Variants in GRM5 observed in about 807,000 individuals in gnomAD.
GRM5 encodes the protein metabotropic glutamate receptor 5.
GRM5 carries 19 observed loss-of-function variants against 83.1 expected under a neutral mutation model. The observed-to-expected ratio is 0.23, with a 90% CI of 0.16 to 0.34. GRM5 has a LOEUF of 0.34. GRM5 is among the 10% of genes least tolerant of loss of function. GRM5 has a pLI of 1.00. For synonymous variants in GRM5, 675 were observed against 633.6 expected (o/e 1.07, Z -0.98); for missense variants, 1,160 against 1,588.3 (o/e 0.73, Z 4.58).
chr11:88,838,084 C>CAAAAAAAAAAAAAAA (rs1157680177), intron 3 of GRM5, among the ~76,000 whole-genome samples: 2 of 55,452 alleles, frequency 3.6e-5, no homozygotes, highest in Non-Finnish European at 6.7e-5. Flanking sequence ...GACTCCATCT[C>CAAAAAAAAAAAAAAA]AAAAAAAAAA....
intron 4 of GRM5, among the ~76,000 whole-genome samples, chr11:88,624,430 C>T (rs80084598): frequency 0.035 from 5,361 of 152,188 alleles, 305 homozygotes; most frequent in African/African-American, 0.12. Context: ...AACCCGGGGC[C>T]ATGCCTTATG....
chr11:88,810,026 G>A (rs978035495), intron 3 of GRM5, among the ~76,000 whole-genome samples: 5 of 152,004 alleles, frequency 3.3e-5, no homozygotes, highest in Non-Finnish European at 7.4e-5. Flanking sequence ...GGCTAGAGAG[G>A]CCTCTACTAC....
intron 3 of GRM5, among the ~76,000 whole-genome samples, chr11:88,810,747 C>A (rs569581045): frequency 6.6e-6 from 1 of 152,160 alleles, no homozygotes; most frequent in Non-Finnish European, 1.5e-5. Flanking sequence ...ATATGTATGT[C>A]AGTATGAAGA....
At chr11:88,527,437 T>C (rs1174669936) in intron 8 of GRM5, among the ~76,000 whole-genome samples, 1 of 152,070 alleles carries the variant, frequency 6.6e-6, no homozygotes, top group Non-Finnish European at 1.5e-5. Flanking sequence ...AAGCATCTTA[T>C]TCTATCAAAC....
At chr11:88,686,060 C>T (rs193041878) in intron 3 of GRM5, among the ~76,000 whole-genome samples, 3 of 152,202 alleles carry the variant, frequency 2.0e-5, no homozygotes, top group African/African-American at 4.8e-5. Context: ...CTTGCATCGT[C>T]TCCCTGAAAA....
chr11:88,901,902 G>C (rs1320876028), intron 2 of GRM5, among the ~76,000 whole-genome samples: 1 of 151,996 alleles, frequency 6.6e-6, no homozygotes, highest in Non-Finnish European at 1.5e-5. Context: ...CCATCTCTTA[G>C]GCAAACAGCC....
At chr11:88,605,826 A>G (rs973150486) in intron 4 of GRM5, among the ~76,000 whole-genome samples, 7 of 152,206 alleles carry the variant, frequency 4.6e-5, no homozygotes, top group Admixed American at 4.6e-4. Context: ...ACAAGTATGG[A>G]CTTAGTGCCT....
chr11:88,902,128 T>C (rs956766679), intron 2 of GRM5, among the ~76,000 whole-genome samples: 2 of 152,130 alleles, frequency 1.3e-5, no homozygotes, highest in African/African-American at 4.8e-5. Flanking sequence ...GGCTGCAGAC[T>C]GCCTAAGGGC....
chr11:88,779,111 C>A (rs1210979995), intron 3 of GRM5, among the ~76,000 whole-genome samples: 1 of 152,134 alleles, frequency 6.6e-6, no homozygotes, highest in East Asian at 1.9e-4. Flanking sequence ...CTTAAGCAAC[C>A]ACATTAATCA....
intron 3 of GRM5, among the ~76,000 whole-genome samples, chr11:88,726,902 C>T (rs1354460210): frequency 6.6e-6 from 1 of 152,074 alleles, no homozygotes; most frequent in Admixed American, 6.6e-5. Context: ...CTAAATATGG[C>T]AAGGAAAAAC....
At chr11:88,593,953 CT>C (rs1937724521) in intron 6 of GRM5, among the ~76,000 whole-genome samples, 1 of 151,838 alleles carries the variant, frequency 6.6e-6, no homozygotes, top group Admixed American at 6.6e-5. Context: ...GCCAACTTGC[CT>C]GGCTAATTTT....
chr11:88,606,618 G>C (rs1938149369), intron 4 of GRM5, among the ~76,000 whole-genome samples: 1 of 152,200 alleles, frequency 6.6e-6, no homozygotes, highest in South Asian at 2.1e-4. Flanking sequence ...GACATGATCA[G>C]ATTTCTGTTT....
intron 3 of GRM5, among the ~76,000 whole-genome samples, chr11:88,835,192 C>T (rs886954468): frequency 6.6e-6 from 1 of 152,168 alleles, no homozygotes; most frequent in Non-Finnish European, 1.5e-5. Context: ...ATCTTCCAAA[C>T]TGCCTGGAAA....
chr11:89,009,108 A>C, intron 2 of GRM5: 1 of 726,864 alleles, frequency 1.4e-6, no homozygotes, highest in Non-Finnish European at 2.6e-6. Context: ...CCTAAAAATA[A>C]AAATAAAAAA....
intron 8 of GRM5, among the ~76,000 whole-genome samples, chr11:88,546,009 T>C (rs1016354136): frequency 6.6e-6 from 1 of 152,060 alleles, no homozygotes; most frequent in Non-Finnish European, 1.5e-5. Context: ...ACAATGGAGT[T>C]TTTGCTAGTC....
At chr11:88,780,611 G>A (rs904541452) in intron 3 of GRM5, among the ~76,000 whole-genome samples, 6 of 152,036 alleles carry the variant, frequency 3.9e-5, no homozygotes, top group South Asian at 2.1e-4. Context: ...ATATTTGAGG[G>A]TACAAACAAA....
intron 1 of GRM5, among the ~76,000 whole-genome samples, chr11:89,055,467 C>T (rs1368556356): frequency 6.6e-6 from 1 of 152,104 alleles, no homozygotes; most frequent in Admixed American, 6.5e-5. Flanking sequence ...CATTACCAAG[C>T]TAATATTGTA....
chr11:88,876,627 A>T (rs1445270915), intron 2 of GRM5, among the ~76,000 whole-genome samples: 1 of 152,122 alleles, frequency 6.6e-6, no homozygotes, highest in East Asian at 1.9e-4. Context: ...AGTGAGAGGC[A>T]TGTGACTCTT....
At chr11:89,015,519 T>A (rs2212335) in intron 2 of GRM5, among the ~76,000 whole-genome samples, 24,107 of 151,924 alleles carry the variant, frequency 0.16, 4,125 homozygotes, top group African/African-American at 0.43. Flanking sequence ...TAAAAAAAAC[T>A]TTTTTTCTGG....
Sources: gnomAD v4.1 joint callset for allele counts (sites outside exome capture counted in the v4.1 genomes callset) on GRCh38, gnomAD v4.1.1 for gene constraint, MANE v1.5 for transcripts, NCBI Gene and HGNC (gene_info 2026-07-23, HGNC 2026-07-21) for gene names.